The following PDE1A variants were observed in gnomAD, a reference collection of about 807,000 sequenced individuals.
PDE1A encodes dual specificity calcium/calmodulin-dependent 3',5'-cyclic nucleotide phosphodiesterase 1A.
In PDE1A, 35 loss-of-function variants were observed where a neutral mutation model predicts 61.7. The observed-to-expected ratio is 0.57, with a 90% CI of 0.43 to 0.75. PDE1A has a LOEUF of 0.75. PDE1A is among the 30% of genes least tolerant of loss of function. The pLI, the probability that PDE1A is intolerant of heterozygous loss-of-function variation, is 0.00. For synonymous variants in PDE1A, 232 were observed against 213.2 expected (o/e 1.09, Z -0.77); for missense variants, 597 against 630.6 (o/e 0.95, Z 0.57).
At chr2:182,613,969 C>T in the PDE1A span, among the ~76,000 whole-genome samples, 2 of 152,128 alleles carry the variant, frequency 1.3e-5, no homozygotes, top group Non-Finnish European at 2.9e-5. Context: ...AAGCAAGTAC[C>T]ACCTCAAATT....
At chr2:182,556,281 G>T in the PDE1A span, among the ~76,000 whole-genome samples, 7 of 152,184 alleles carry the variant, frequency 4.6e-5, no homozygotes, top group East Asian at 1.4e-3. Context: ...AGAAAATATG[G>T]CAATGAGGCT....
At chr2:182,427,721 G>C (rs749380435), upstream of PDE1A, among the ~76,000 whole-genome samples, 69 of 152,262 alleles carry the variant, frequency 4.5e-4, no homozygotes, top group Middle Eastern at 3.4e-3. Context: ...TCTAGCTCCA[G>C]ATAAAGGGAA....
At chr2:182,673,830 C>A in the PDE1A span, among the ~76,000 whole-genome samples, 1 of 151,622 alleles carries the variant, frequency 6.6e-6, no homozygotes, top group Admixed American at 6.6e-5. Context: ...ACCCTAATTT[C>A]TTGCTTATAC....
intron 1 of PDE1A, among the ~76,000 whole-genome samples, chr2:182,350,886 C>T (rs766435157): frequency 6.6e-6 from 1 of 152,222 alleles, no homozygotes; most frequent in Non-Finnish European, 1.5e-5. Context: ...CCTATCATTA[C>T]TCCCTGCCCT....
At chr2:182,210,017 A>G (rs926885173) in intron 7 of PDE1A, among the ~76,000 whole-genome samples, 2 of 151,936 alleles carry the variant, frequency 1.3e-5, no homozygotes, top group African/African-American at 4.9e-5. Context: ...GTCTGCATAT[A>G]CCACAGTTTA....
the PDE1A span, among the ~76,000 whole-genome samples, chr2:182,587,047 C>G: frequency 6.6e-6 from 1 of 152,102 alleles, no homozygotes; most frequent in Non-Finnish European, 1.5e-5. Context: ...TAAGCACATA[C>G]AAGAAAGATG....
chr2:182,555,003 T>C, the PDE1A span, among the ~76,000 whole-genome samples: 11 of 152,350 alleles, frequency 7.2e-5, no homozygotes, highest in East Asian at 2.1e-3. Flanking sequence ...ATATTGAATC[T>C]ATAAAGCCCT....
At chr2:182,579,520 C>T in the PDE1A span, among the ~76,000 whole-genome samples, 3 of 152,174 alleles carry the variant, frequency 2.0e-5, no homozygotes, top group Non-Finnish European at 1.5e-5. Flanking sequence ...ATGAAGATTT[C>T]TTCTGCAAGG....
chr2:182,323,393 A>G (rs181539598), intron 1 of PDE1A, among the ~76,000 whole-genome samples: 11 of 152,324 alleles, frequency 7.2e-5, no homozygotes, highest in African/African-American at 2.4e-4. Flanking sequence ...AGTTCTAAAG[A>G]GAAGTTCTTC....
the PDE1A span, among the ~76,000 whole-genome samples, chr2:182,569,164 G>A: frequency 1.3e-5 from 2 of 151,406 alleles, no homozygotes; most frequent in Admixed American, 6.6e-5. Context: ...TGACGTGGGA[G>A]GATCACTTGG....
chr2:182,447,364 C>T (rs953361762), intron 2 of PDE1A, among the ~76,000 whole-genome samples: 6 of 151,952 alleles, frequency 3.9e-5, no homozygotes, highest in East Asian at 1.9e-4. Context: ...GTAAACACAC[C>T]GGACCCTCTA....
intron 7 of PDE1A, among the ~76,000 whole-genome samples, chr2:182,210,593 CTG>C (rs1477964564): frequency 6.6e-6 from 1 of 152,132 alleles, no homozygotes; most frequent in Non-Finnish European, 1.5e-5. Context: ...TTCTTCCAGT[CTG>C]TGGCTTGTCT....
At chr2:182,708,314 G>A in the PDE1A span, among the ~76,000 whole-genome samples, 5 of 151,888 alleles carry the variant, frequency 3.3e-5, no homozygotes, top group African/African-American at 1.2e-4. Flanking sequence ...ATTTGGGTAG[G>A]GACACAGCCA....
chr2:182,690,147 A>G, the PDE1A span, among the ~76,000 whole-genome samples: 182 of 152,324 alleles, frequency 1.2e-3, no homozygotes, highest in Middle Eastern at 0.01. Context: ...TCCAATCAAT[A>G]GAAAAAGAGG....
intron 2 of PDE1A, among the ~76,000 whole-genome samples, chr2:182,495,057 G>A (rs1574795838): frequency 6.6e-6 from 1 of 152,228 alleles, no homozygotes; most frequent in East Asian, 1.9e-4. Flanking sequence ...GCACTTCCAG[G>A]CAGTCATCTT....
Position 182,292,052 on chromosome 2 carries a change from A to C in PDE1A, c.54-27638T>G, listed in dbSNP as rs183782116. On this transcript the variant is annotated intron_variant, in intron 1 of 13. Coordinates refer to ENST00000351439, the Ensembl canonical transcript of PDE1A. ...GAAGACTAGTAGTATAGTATGATCTATAAAACTGTATTGCCAACTTGGAAA... is the reference window on the plus strand; with the variant it reads ...GAAGACTAGTAGTATAGTATGATCTCTAAAACTGTATTGCCAACTTGGAAA... 5.5e-4 allele frequency among the ~76,000 whole-genome samples: 83 copies of C among 152,218 alleles called. 1 individual carries two copies. Among genetic ancestry groups the C allele is most frequent in the Non-Finnish European group, 5.3e-4 (36 of 67,958 alleles).
intron 4 of PDE1A, among the ~76,000 whole-genome samples, chr2:182,233,615 T>C (rs1349723176): frequency 6.6e-6 from 1 of 152,196 alleles, no homozygotes; most frequent in Non-Finnish European, 1.5e-5. Flanking sequence ...GATCTGCTGC[T>C]GCCAATATCC....
At chr2:182,618,328 A>AT in the PDE1A span, among the ~76,000 whole-genome samples, 1 of 152,228 alleles carries the variant, frequency 6.6e-6, no homozygotes, top group African/African-American at 2.4e-5. Context: ...CTCCATTCTT[A>AT]TCACATTGAA....
At chr2:182,540,642 A>T in the PDE1A span, among the ~76,000 whole-genome samples, 2 of 152,222 alleles carry the variant, frequency 1.3e-5, no homozygotes, top group Non-Finnish European at 2.9e-5. Flanking sequence ...TGATTTAAGT[A>T]AAGCCATATT....
Sources: allele counts gnomAD v4.1 joint callset (sites outside exome capture counted in the v4.1 genomes callset), GRCh38; gene constraint gnomAD v4.1.1; transcripts MANE v1.5; gene names NCBI Gene and HGNC (gene_info 2026-07-23, HGNC 2026-07-21).